The following EPHA6 variants were observed in gnomAD, a reference collection of about 807,000 sequenced individuals.
The protein encoded by EPHA6 is ephrin type-A receptor 6.
Under a neutral mutation model 112.0 loss-of-function variants are expected in EPHA6, and 50 were observed. The observed-to-expected ratio is 0.45, with a 90% CI of 0.36 to 0.56. The LOEUF (loss-of-function observed/expected upper bound fraction) is 0.56, where lower values mean the gene tolerates loss of function less well. Ranked by LOEUF, EPHA6 falls within the 20% of genes least tolerant of loss-of-function variation. The probability of loss-of-function intolerance (pLI) is 0.00; values close to 1 mark genes in which losing one functional copy is unlikely to be tolerated. For missense variants in EPHA6, 1,280 were observed against 1,417.4 expected, an observed-to-expected ratio of 0.90 and a Z score of 1.56; for synonymous variants, 529 against 490.7, an observed-to-expected ratio of 1.08 and a Z score of -1.03.
At chr3:96,875,403 C>T (rs956145016) in intron 2 of EPHA6, among the ~76,000 whole-genome samples, 24 of 152,046 alleles carry the variant, frequency 1.6e-4, no homozygotes, top group Non-Finnish European at 2.6e-4. Flanking sequence ...TCACTTCTTT[C>T]TCCACTATCT....
chr3:96,963,310 T>A (rs1057066363), intron 2 of EPHA6, among the ~76,000 whole-genome samples: 1 of 152,276 alleles, frequency 6.6e-6, no homozygotes, highest in South Asian at 2.1e-4. Context: ...CATTTTCACA[T>A]AGAACACCAA....
intron 3 of EPHA6, among the ~76,000 whole-genome samples, chr3:97,035,053 C>G (rs993001612): frequency 6.6e-6 from 1 of 151,766 alleles, no homozygotes; most frequent in Non-Finnish European, 1.5e-5. Context: ...TTTTTAACAC[C>G]CTGACTTTGT....
intron 2 of EPHA6, among the ~76,000 whole-genome samples, chr3:96,947,568 A>T (rs2041332530): frequency 6.6e-6 from 1 of 152,056 alleles, no homozygotes. Flanking sequence ...GAACCATGCA[A>T]TGTGCAGAAA....
intron 14 of EPHA6, among the ~76,000 whole-genome samples, chr3:97,661,024 C>T (rs2094166371): frequency 6.6e-6 from 1 of 152,064 alleles, no homozygotes; most frequent in Non-Finnish European, 1.5e-5. Context: ...GTATTTTCCA[C>T]TGAATTTCTA....
At chr3:97,102,221 T>C (rs1233512827) in intron 3 of EPHA6, among the ~76,000 whole-genome samples, 2 of 151,984 alleles carry the variant, frequency 1.3e-5, no homozygotes, top group African/African-American at 4.8e-5. Context: ...CTTCCAACCA[T>C]CCTCAGGAAG....
intron 5 of EPHA6, among the ~76,000 whole-genome samples, chr3:97,293,836 T>G (rs2080782450): frequency 1.3e-5 from 2 of 152,204 alleles, no homozygotes. Context: ...TCCCTGGCTG[T>G]CCATGCCGAG....
chr3:97,244,698 T>A, intron 5 of EPHA6: 1 of 202,864 alleles, frequency 4.9e-6, no homozygotes, highest in Non-Finnish European at 9.8e-6. Context: ...TTTTTAAAAC[T>A]ATAATTCATG....
chr3:97,176,632 G>A (rs919502312), intron 3 of EPHA6, among the ~76,000 whole-genome samples: 4 of 151,806 alleles, frequency 2.6e-5, no homozygotes, highest in Admixed American at 1.3e-4. Context: ...TAGGTTGCGT[G>A]TATCTAGGAA....
At chr3:97,266,370 A>AT (rs1400140451) in intron 5 of EPHA6, among the ~76,000 whole-genome samples, 2 of 152,160 alleles carry the variant, frequency 1.3e-5, no homozygotes, top group Non-Finnish European at 2.9e-5. Flanking sequence ...TCTAATCTCC[A>AT]TTTTAGGATG....
At chr3:97,066,338 G>T (rs576073354) in intron 3 of EPHA6, among the ~76,000 whole-genome samples, 1 of 152,088 alleles carries the variant, frequency 6.6e-6, no homozygotes, top group South Asian at 2.1e-4. Context: ...AATAACAAAA[G>T]TGAAAATTTC....
chr3:97,394,785 G>T (rs996121618), intron 5 of EPHA6, among the ~76,000 whole-genome samples: 2 of 151,744 alleles, frequency 1.3e-5, no homozygotes, highest in Non-Finnish European at 3.0e-5. Flanking sequence ...ACAAATGATT[G>T]CAAGGATATA....
At chr3:97,369,869 C>A (rs930249052) in intron 5 of EPHA6, among the ~76,000 whole-genome samples, 20 of 152,244 alleles carry the variant, frequency 1.3e-4, no homozygotes, top group African/African-American at 4.8e-4. Context: ...TAATATATAA[C>A]AGCAATCTAC....
chr3:97,400,526 T>C (rs2086934507), intron 5 of EPHA6, among the ~76,000 whole-genome samples: 1 of 151,766 alleles, frequency 6.6e-6, no homozygotes, highest in African/African-American at 2.4e-5. Flanking sequence ...GGTATGGTGA[T>C]TTAACAATAC....
chr3:97,480,925 G>T (rs1356276709), intron 9 of EPHA6, among the ~76,000 whole-genome samples: 3 of 151,364 alleles, frequency 2.0e-5, no homozygotes, highest in East Asian at 3.9e-4. Flanking sequence ...ATGGGCGGCC[G>T]GGCAAAGACG....
chr3:97,466,121 A>G (rs1314537751), intron 7 of EPHA6: 2 of 497,458 alleles, frequency 4.0e-6, no homozygotes, highest in Non-Finnish European at 7.5e-6. Flanking sequence ...CACATGTGTT[A>G]GTCTTTCTGT....
intron 1 of EPHA6, among the ~76,000 whole-genome samples, chr3:96,818,358 T>G (rs1471762664): frequency 2.0e-5 from 3 of 151,938 alleles, no homozygotes; most frequent in Non-Finnish European, 4.4e-5. Flanking sequence ...AATAATCAAT[T>G]GCATACTCAA....
intron 5 of EPHA6, among the ~76,000 whole-genome samples, chr3:97,327,123 T>A (rs1322685337): frequency 6.6e-6 from 1 of 151,886 alleles, no homozygotes; most frequent in Non-Finnish European, 1.5e-5. Context: ...TTCAGCTCTA[T>A]TTTGAATTAA....
At chr3:96,991,580 T>A (rs1200773657) in intron 3 of EPHA6, among the ~76,000 whole-genome samples, 1 of 152,168 alleles carries the variant, frequency 6.6e-6, no homozygotes, top group African/African-American at 2.4e-5. Flanking sequence ...GAAAGTTTAT[T>A]TATAGGGGAC....
At chr3:97,271,351 T>C (rs964050924) in intron 5 of EPHA6, among the ~76,000 whole-genome samples, 1 of 152,368 alleles carries the variant, frequency 6.6e-6, no homozygotes, top group African/African-American at 2.4e-5. Flanking sequence ...TTGTGTGCCT[T>C]CTCTCTTCAA....
Sources: allele counts gnomAD v4.1 joint callset (sites outside exome capture counted in the v4.1 genomes callset), GRCh38; gene constraint gnomAD v4.1.1; transcripts MANE v1.5; gene names NCBI Gene and HGNC (gene_info 2026-07-23, HGNC 2026-07-21).